MPZL1: variants seen among roughly 807,000 people sequenced by gnomAD.
MPZL1 encodes myelin protein zero like 1, also known as myelin protein zero-like protein 1.
Under a neutral mutation model 29.3 loss-of-function variants are expected in MPZL1, and 16 were observed. The observed-to-expected ratio is 0.55, with a 90% confidence interval of 0.37 to 0.83. The LOEUF is 0.83. MPZL1 is among the 40% of genes least tolerant of loss of function. The pLI is 0.00. For synonymous variants in MPZL1, 143 were observed against 132.0 expected (o/e 1.08, Z -0.57); for missense variants, 279 against 332.9 (o/e 0.84, Z 1.26).
Position 167,746,563 on chromosome 1 carries a change from TGGAAG to T in MPZL1, c.92-19016_92-19012del, listed in dbSNP as rs774318288. The stretch of plus-strand genomic sequence containing the variant: ...GAAAGGGCTGCACCCTGGAATCAGA[TGGAAG>T]GGAGAACTTTACCAAGGGGGTGCTA... On this transcript the variant is annotated intron_variant, in intron 1 of 5. Transcript: ENST00000359523. Among the ~76,000 whole-genome samples the T allele has an allele frequency of 4.3e-3, 651 of 152,248 alleles. 5 individuals carry two copies. The highest frequency in any genetic ancestry group is 6.3e-3 in the Admixed American group (96 of 15,294).
At chr1:167,736,887 C>G (rs1362526669) in intron 1 of MPZL1, among the ~76,000 whole-genome samples, 1 of 152,202 alleles carries the variant, frequency 6.6e-6, no homozygotes, top group Non-Finnish European at 1.5e-5. Context: ...CCCATTATCT[C>G]TGGGATGTAC....
chr1:167,772,126 GGA>G (rs969204599), intron 2 of MPZL1, 147 bp from the exon 3 acceptor site: 27 of 680,044 alleles, frequency 4.0e-5, no homozygotes, highest in African/African-American at 2.4e-4. Context: ...GAAAAAAGGA[GGA>G]GAGAGAGGGG....
intron 2 of MPZL1, among the ~76,000 whole-genome samples, chr1:167,766,327 A>G (rs1661113542): frequency 6.6e-6 from 1 of 152,210 alleles, no homozygotes; most frequent in Non-Finnish European, 1.5e-5. Flanking sequence ...AGAGCATTGA[A>G]AAAAGGTTAT....
Position 167,746,147 on chromosome 1 carries a change from G to C in MPZL1, c.92-19436G>C, listed in dbSNP as rs151065598. Among the ~76,000 whole-genome samples the C allele has an allele frequency of 5.5e-4, 84 of 152,178 alleles. No homozygotes were observed. The East Asian group carries it at 7.5e-3, about 14-fold the overall frequency. ...GAGACTTTGCAGTGGTGATTGCCTT[G>C]GAGTTGCCTTGAAGGAAGAGTGGGA... On this transcript the variant is annotated intron_variant, in intron 1 of 5. Coordinates refer to ENST00000359523, the MANE Select transcript of MPZL1 (RefSeq NM_003953.6).
chr1:167,735,240 A>T (rs1171862488), intron 1 of MPZL1, among the ~76,000 whole-genome samples: 1 of 152,220 alleles, frequency 6.6e-6, no homozygotes, highest in Admixed American at 6.5e-5. Flanking sequence ...ATATGTGGTC[A>T]CCCAGAACCT....
chr1:167,748,270 G>C (rs1660688015), intron 1 of MPZL1, among the ~76,000 whole-genome samples: 1 of 152,152 alleles, frequency 6.6e-6, no homozygotes, highest in South Asian at 2.1e-4. Context: ...ACAATGTAGA[G>C]AGTTCTAATT....
chr1:167,791,578 T>G lies in MPZL1; in HGVS notation c.*3657T>G, dbSNP rs1047727305. On this transcript the variant is annotated 3_prime_UTR_variant, in exon 6 of 6. Transcript: ENST00000359523. The stretch of plus-strand genomic sequence containing the variant: ...GATTATATGGCTTACCCAGGGCCAC[T>G]TAGCTAATAAAGGAACAGAGAAGAG... The G allele has an allele frequency of 3.3e-5, 5 of 152,284 alleles. No individual in the cohort carries two copies. The East Asian group carries it at 9.6e-4, about 29-fold the overall frequency. The allele number at this position is 152,284 out of a possible 1,614,324, so 9.4% of individuals were successfully genotyped here. A position where few individuals can be genotyped will look rare whatever the true frequency, so the allele number is the denominator to read the frequency against.
rs146268713 is a variant in MPZL1 at position 167,730,219 on chromosome 1, C to A, written c.91+7977C>A. Among the ~76,000 whole-genome samples the A allele has an allele frequency of 3.9e-4, 59 of 152,232 alleles. No homozygotes were observed. The East Asian group carries it at 7.7e-3, about 20-fold the overall frequency. ...AATCATGCAGAATCTGTTTGTGCCA[C>A]CCAATACTCTAAATGCTCCTCAGGG... On this transcript the variant is annotated intron_variant, in intron 1 of 5. Transcript: ENST00000359523.
chr1:167,730,530 C>T (rs986229911), intron 1 of MPZL1, among the ~76,000 whole-genome samples: 5 of 152,192 alleles, frequency 3.3e-5, no homozygotes, highest in African/African-American at 9.7e-5. Flanking sequence ...CCGCCTGCCA[C>T]AGCCTCCCAA....
chr1:167,742,185 C>T (rs1215768772), intron 1 of MPZL1, among the ~76,000 whole-genome samples: 1 of 151,572 alleles, frequency 6.6e-6, no homozygotes, highest in African/African-American at 2.4e-5. Flanking sequence ...CCCAGCTACT[C>T]GGGAGGTTGA....
In MPZL1 at chr1:167,773,341, G is replaced by A. The variant is rs1335722851; in HGVS notation, c.578G>A (p.Arg193Lys). 1 of 1,613,940 alleles carries A rather than the reference G, an allele frequency of 6.2e-7. No individual in the cohort carries two copies. The change falls in exon 4 of 6, where the codon AGG (arginine) becomes AAG (lysine). Residue 193 changes from arginine (R) to lysine (K), a missense_variant. Physicochemically the swap from Arg to Lys is conservative, Grantham distance 26. Coordinates refer to ENST00000359523, the MANE Select transcript of MPZL1 (RefSeq NM_003953.6). ...ATGATTCTGGCTGTCCTCTATAGAA[G>A]GAAAAACTCTAAACGGGATTACACT... Reference protein sequence around the residue: ...ISMILAVLYRRKNSKRDYTGC... With the variant: ...ISMILAVLYRKKNSKRDYTGC...
chr1:167,769,237 G>A (rs2101786386), intron 2 of MPZL1, among the ~76,000 whole-genome samples: 1 of 152,300 alleles, frequency 6.6e-6, no homozygotes, highest in East Asian at 1.9e-4. Flanking sequence ...TGCTAGCAAA[G>A]GCACTGGCTG....
In MPZL1 at chr1:167,773,134, C is replaced by T. The variant is rs1249797700; in HGVS notation, c.473-102C>T. 13 of 1,230,328 alleles carry T rather than the reference C, an allele frequency of 1.1e-5. No homozygotes were observed. The East Asian group carries it at 1.4e-4, about 13-fold the overall frequency. 76.2% of individuals were successfully genotyped at this position (1,230,328 alleles called of 1,614,324 possible). A position where few individuals can be genotyped will look rare whatever the true frequency, so the allele number is the denominator to read the frequency against. Reference sequence around the variant, plus strand: ...ATAGTTTGGATAATAAAAGAGGGTACGGTAACTGCTAAATGAAGATACTTG... The same window carrying T: ...ATAGTTTGGATAATAAAAGAGGGTATGGTAACTGCTAAATGAAGATACTTG... On this transcript the variant is annotated intron_variant, in intron 3 of 5. Transcript: ENST00000359523.
chr1:167,763,011 A>G (rs1571158114), intron 1 of MPZL1, among the ~76,000 whole-genome samples: 1 of 152,320 alleles, frequency 6.6e-6, no homozygotes, highest in East Asian at 1.9e-4. Flanking sequence ...TGTGTTTTTT[A>G]AAAAGCCACC....
At chr1:167,736,327 A>G (rs115347639) in intron 1 of MPZL1, among the ~76,000 whole-genome samples, 4 of 152,222 alleles carry the variant, frequency 2.6e-5, no homozygotes, top group South Asian at 2.1e-4. Context: ...TAGGCATTCA[A>G]TACGTATTTG....
rs115352320 is a variant in MPZL1, at chr1:167,781,401, C to G, written c.708+5235C>G. ...AAAAGGGTTGGAATCATATAGAGTA[C>G]GTTCTCTGGCCACAATGGAATTAAA... On this transcript the variant is annotated intron_variant, in intron 5 of 5. Coordinates refer to ENST00000359523, the MANE Select transcript of MPZL1 (RefSeq NM_003953.6). Among the ~76,000 whole-genome samples the G allele has an allele frequency of 2.9e-3, 442 of 152,166 alleles. 3 individuals carry two copies. The highest frequency in any genetic ancestry group is 0.01 in the African/African-American group (425 of 41,540).
At chr1:167,777,641 G>T (rs970319848) in intron 5 of MPZL1, among the ~76,000 whole-genome samples, 2 of 152,186 alleles carry the variant, frequency 1.3e-5, no homozygotes, top group Non-Finnish European at 2.9e-5. Flanking sequence ...TTGAGTCTTT[G>T]TCTGATTACA....
chr1:167,747,343 C>G (rs1003612550), intron 1 of MPZL1, among the ~76,000 whole-genome samples: 9 of 152,118 alleles, frequency 5.9e-5, no homozygotes, highest in South Asian at 2.1e-4. Flanking sequence ...ATCTCAGTCT[C>G]TCAAATAACT....
At chr1:167,781,325 T>G (rs1413830074) in intron 5 of MPZL1, among the ~76,000 whole-genome samples, 1 of 152,150 alleles carries the variant, frequency 6.6e-6, no homozygotes, top group Non-Finnish European at 1.5e-5. Flanking sequence ...ACATGAAAAT[T>G]AACCAAATAT....
Sources: allele counts gnomAD v4.1 joint callset (sites outside exome capture counted in the v4.1 genomes callset), GRCh38; gene constraint gnomAD v4.1.1; transcripts MANE v1.5; gene names NCBI Gene and HGNC (gene_info 2026-07-23, HGNC 2026-07-21).